The following PYGB variants were observed in gnomAD, a reference collection of about 807,000 sequenced individuals.
PYGB encodes glycogen phosphorylase, brain form.
A neutral mutation model predicts 94.3 loss-of-function variants in PYGB; 82 were observed. The ratio of observed to expected loss-of-function variants is 0.87; its 90% confidence interval spans 0.73 to 1.04. The LOEUF is 1.04. PYGB is among the 50% of genes least tolerant of loss of function. PYGB has a pLI of 0.00. For synonymous variants in PYGB, 488 were observed against 479.1 expected (o/e 1.02, Z -0.24); for missense variants, 1,132 against 1,158.2 (o/e 0.98, Z 0.33).
chr20:25,293,277 GC>G (rs1293386105), intron 17 of PYGB, among the ~76,000 whole-genome samples: 3 of 152,032 alleles, frequency 2.0e-5, no homozygotes, highest in African/African-American at 7.2e-5. Flanking sequence ...CCCTCCTGCA[GC>G]CCACACTCCA....
chr20:25,274,371 C>T (rs2088291939), intron 4 of PYGB, among the ~76,000 whole-genome samples: 1 of 152,208 alleles, frequency 6.6e-6, no homozygotes, highest in South Asian at 2.1e-4. Flanking sequence ...TTTTTGGGCA[C>T]GTGTTTCTAA....
rs117474827 is a variant in PYGB, at chr20:25,275,922, C to T, written c.661-724C>T. 4.7e-4 allele frequency among the ~76,000 whole-genome samples: 71 copies of T among 152,362 alleles called. No homozygotes were observed. In the East Asian group the frequency reaches 0.012, roughly 26 times the overall value. On this transcript the variant is annotated intron_variant, in intron 5 of 19. Coordinates refer to ENST00000216962, the MANE Select transcript of PYGB (RefSeq NM_002862.4). ...CCGCCTGTGTGGCTGTCAGAGCTGA[C>T]TGGCAGTGCCACAGGCACGTGTGTG...
chr20:25,283,383 C>A, intron 13 of PYGB, 106 bp downstream of exon 13: 1 of 989,846 alleles, frequency 1.0e-6, no homozygotes, highest in Non-Finnish European at 1.5e-6. Flanking sequence ...CTGGGGTACC[C>A]ACTGGGGCTT....
intron 17 of PYGB, among the ~76,000 whole-genome samples, chr20:25,293,679 G>A (rs1024812407): frequency 6.6e-5 from 10 of 152,188 alleles, no homozygotes; most frequent in Admixed American, 1.3e-4. Context: ...ATGTCTGCCC[G>A]TCCGTCCCTC....
chr20:25,283,826 G>A (rs999657244), intron 13 of PYGB, among the ~76,000 whole-genome samples: 12 of 152,094 alleles, frequency 7.9e-5, no homozygotes, highest in African/African-American at 2.9e-4. Context: ...CCGCCTGCAC[G>A]CCTGGCTCTG....
At chr20:25,290,441 A>G in intron 15 of PYGB, 40 bp from the exon 16 acceptor site, 2 of 1,592,654 alleles carry the variant, frequency 1.3e-6, no homozygotes, top group South Asian at 1.1e-5. Context: ...GGCCTGAACA[A>G]GGCATTTTTG....
chr20:25,264,939 A>G (rs1233307664), intron 2 of PYGB, among the ~76,000 whole-genome samples: 6 of 152,216 alleles, frequency 3.9e-5, no homozygotes, highest in Non-Finnish European at 7.3e-5. Context: ...TAAAGTTCAT[A>G]TGGAACCAAA....
chr20:25,263,646 T>G (rs189747141), intron 2 of PYGB, among the ~76,000 whole-genome samples: 4 of 152,264 alleles, frequency 2.6e-5, no homozygotes, highest in African/African-American at 9.6e-5. Context: ...GAGAATACTA[T>G]AAACACCTCT....
rs200921970 is a variant in PYGB, at chr20:25,294,301, G to T, written c.2312+9G>T. ...CTGATGCACCATGACAGGTGGGACC[G>T]ACTTCCCTGGTTGGGTGGCTGGGAG... is the stretch of plus-strand genomic sequence containing the variant. On this transcript the variant is annotated intron_variant, in intron 18 of 19. Transcript: ENST00000216962. The T allele has an allele frequency of 8.9e-7, 1 of 1,125,182 alleles. No homozygotes were observed. The highest frequency in any genetic ancestry group is 1.2e-6 in the Non-Finnish European group (1 of 805,988). 69.7% of individuals were successfully genotyped at this position (1,125,182 alleles called of 1,614,324 possible). A position where few individuals can be genotyped will look rare whatever the true frequency, so the allele number is the denominator to read the frequency against.
intron 2 of PYGB, among the ~76,000 whole-genome samples, chr20:25,261,075 C>A (rs6050492): frequency 0.065 from 9,879 of 152,296 alleles, 990 homozygotes; most frequent in African/African-American, 0.22. Flanking sequence ...GAACAAAAGG[C>A]AGCAGAAACT....
At position 25,278,308 on chromosome 20, in the gene PYGB, G is replaced by A; in HGVS notation, c.856-11G>A. 1 of 1,297,294 alleles carries A rather than the reference G, an allele frequency of 7.7e-7. No homozygotes were observed. The highest frequency in any genetic ancestry group is 1.4e-5 in the South Asian group (1 of 72,738). The allele number at this position is 1,297,294 out of a possible 1,614,324, so 80.4% of individuals were successfully genotyped here. On this transcript the variant is annotated splice_polypyrimidine_tract_variant and intron_variant, in intron 7 of 19. Coordinates refer to ENST00000216962, the MANE Select transcript of PYGB (RefSeq NM_002862.4). ...CAGCCTGCACCCTCCAGCTTGCTCT[G>A]CTGTGTGCAGTTCTTTGAGGGGAAG... is the stretch of plus-strand genomic sequence containing the variant.
intron 2 of PYGB, among the ~76,000 whole-genome samples, 184 bp downstream of exon 2, chr20:25,259,522 G>A (rs1389171881): frequency 1.3e-5 from 2 of 152,220 alleles, no homozygotes; most frequent in African/African-American, 4.8e-5. Context: ...GTTTTTGAGA[G>A]TAGAAAGTAA....
intron 1 of PYGB, among the ~76,000 whole-genome samples, chr20:25,258,014 T>C (rs1049499590): frequency 6.6e-6 from 1 of 152,230 alleles, no homozygotes; most frequent in Non-Finnish European, 1.5e-5. Flanking sequence ...CTATGAGGAC[T>C]CATTAATTAT....
intron 2 of PYGB, among the ~76,000 whole-genome samples, chr20:25,266,331 A>G (rs905465163): frequency 1.3e-5 from 2 of 152,188 alleles, no homozygotes; most frequent in Non-Finnish European, 2.9e-5. Context: ...GTATTGGGAT[A>G]TTTGGATATC....
At chr20:25,280,857 G>A in intron 10 of PYGB, 92 bp from the exon 11 acceptor site, 1 of 1,470,350 alleles carries the variant, frequency 6.8e-7, no homozygotes, top group East Asian at 2.3e-5. Context: ...GCTTCCCATG[G>A]GTGGTCATGG....
rs1434850126 is a variant in PYGB, at chr20:25,296,933, A to T, written c.*411A>T. On this transcript the variant is annotated 3_prime_UTR_variant, in exon 20 of 20. Coordinates refer to ENST00000216962, the MANE Select transcript of PYGB (RefSeq NM_002862.4). ...GTGGCCATAGTGAAGCCTGGGAATG[A>T]GTGTTACTGCAGCATCTGGGCTGCC... is the stretch of plus-strand genomic sequence containing the variant. 1 of 176,930 alleles carries T rather than the reference A, an allele frequency of 5.7e-6. No homozygotes were observed. Among genetic ancestry groups the T allele is most frequent in the Non-Finnish European group, 1.2e-5 (1 of 83,162 alleles). The allele number at this position is 176,930 out of a possible 1,614,324, so 11.0% of individuals were successfully genotyped here.
chr20:25,279,041 C>T lies in PYGB; in HGVS notation c.1000-16C>T, dbSNP rs201812084. 2.5e-6 allele frequency: 4 copies of T among 1,604,784 alleles called. No homozygotes were observed. In the South Asian group the frequency reaches 3.3e-5, roughly 13 times the overall value. ...GGGATGAAATGACTGAATGGCACCC[C>T]TTGTGCGACCTTCAGGTGGCCATCC... On this transcript the variant is annotated splice_polypyrimidine_tract_variant and intron_variant, in intron 8 of 19. Transcript: ENST00000216962.
chr20:25,251,602 G>C (rs2092888248), intron 1 of PYGB, among the ~76,000 whole-genome samples: 1 of 152,220 alleles, frequency 6.6e-6, no homozygotes, highest in Non-Finnish European at 1.5e-5. Flanking sequence ...ACAAAACACA[G>C]ACCAGGATCC....
chr20:25,254,885 A>G (rs756518753), intron 1 of PYGB, among the ~76,000 whole-genome samples: 5 of 152,206 alleles, frequency 3.3e-5, no homozygotes, highest in Non-Finnish European at 5.9e-5. Flanking sequence ...TTTGTTTACT[A>G]CAGAACCAAG....
Sources: gnomAD v4.1 joint callset for allele counts (sites outside exome capture counted in the v4.1 genomes callset) on GRCh38, gnomAD v4.1.1 for gene constraint, MANE v1.5 for transcripts, NCBI Gene and HGNC (gene_info 2026-07-23, HGNC 2026-07-21) for gene names.